The following PALLD variants were observed in gnomAD, a reference collection of about 807,000 sequenced individuals.
The protein encoded by PALLD is palladin, cytoskeletal associated protein, also known as palladin.
PALLD carries 61 observed loss-of-function variants against 123.5 expected under a neutral mutation model. That is an observed-to-expected ratio of 0.49 (90% CI 0.40 to 0.61). The LOEUF is 0.61. PALLD is among the 20% of genes least tolerant of loss of function. PALLD has a pLI of 0.00. For missense variants in PALLD, 1,273 were observed against 1,377.0 expected (o/e 0.92, Z 1.20); for synonymous variants, 465 against 496.4 (o/e 0.94, Z 0.84).
intron 1 of PALLD, among the ~76,000 whole-genome samples, chr4:168,505,435 C>T (rs1436944723): frequency 6.6e-6 from 1 of 152,158 alleles, no homozygotes; most frequent in Admixed American, 6.5e-5. Flanking sequence ...TATAATGCTC[C>T]TTGTGAAGTT....
At chr4:168,725,458 A>T (rs1786459033) in intron 10 of PALLD, among the ~76,000 whole-genome samples, 1 of 151,964 alleles carries the variant, frequency 6.6e-6, no homozygotes, top group Admixed American at 6.6e-5. Context: ...ACCCTAAAAG[A>T]CATAAAAGGT....
chr4:168,687,125 T>C (rs959766039), intron 6 of PALLD, among the ~76,000 whole-genome samples: 2 of 152,212 alleles, frequency 1.3e-5, no homozygotes, highest in Admixed American at 6.5e-5. Flanking sequence ...AAAACTTTTG[T>C]GAGGCAGTAA....
At chr4:168,600,078 C>CATATAT (rs1431734013) in intron 2 of PALLD, among the ~76,000 whole-genome samples, 1 of 107,518 alleles carries the variant, frequency 9.3e-6, no homozygotes, top group African/African-American at 2.9e-5. Flanking sequence ...TGTATACACA[C>CATATAT]ACATATATAC....
At chr4:168,833,769 TCC>T (rs1338528829) in intron 10 of PALLD, among the ~76,000 whole-genome samples, 2 of 151,248 alleles carry the variant, frequency 1.3e-5, no homozygotes, top group Non-Finnish European at 2.9e-5. Flanking sequence ...ACAATTTTTT[TCC>T]CCCTTCAGAC....
intron 3 of PALLD, among the ~76,000 whole-genome samples, chr4:168,672,229 A>G (rs1198595732): frequency 6.6e-6 from 1 of 152,198 alleles, no homozygotes; most frequent in Non-Finnish European, 1.5e-5. Context: ...TCAAACATTT[A>G]TCATTTGTTT....
intron 2 of PALLD, among the ~76,000 whole-genome samples, chr4:168,540,698 A>G (rs1339140960): frequency 6.6e-6 from 1 of 152,144 alleles, no homozygotes; most frequent in East Asian, 1.9e-4. Flanking sequence ...AAATGAAAAC[A>G]ATTTTTCTCT....
At position 168,785,846 on chromosome 4, in the gene PALLD, GATATATATATAT is replaced by G. The variant is rs6148775; in HGVS notation, c.1964+73943_1964+73954del. ...AGAGTCAGTTCTAATAAACTGTAGAGATATATATATATATATATATATATATATATAGCATTT... is the reference window on the plus strand; with the variant it reads ...AGAGTCAGTTCTAATAAACTGTAGAGATATATATATATATATATAGCATTT... On this transcript the variant is annotated intron_variant, in intron 10 of 21. Coordinates refer to ENST00000505667, the MANE Select transcript of PALLD (RefSeq NM_001166108.2). Among the ~76,000 whole-genome samples, 359 of 80,918 alleles carry G rather than the reference GATATATATATAT, an allele frequency of 4.4e-3. 3 individuals carry two copies. Among genetic ancestry groups the G allele is most frequent in the African/African-American group, 0.012 (301 of 25,744 alleles). The allele number at this position is 80,918 out of a possible 152,430, so 53.1% of individuals were successfully genotyped here.
At chr4:168,502,531 A>G (rs575633249) in intron 1 of PALLD, among the ~76,000 whole-genome samples, 1 of 152,354 alleles carries the variant, frequency 6.6e-6, no homozygotes, top group African/African-American at 2.4e-5. Context: ...TTACTCTATC[A>G]AGTTTTTACC....
intron 10 of PALLD, chr4:168,877,717 C>T (rs111443134): frequency 8.7e-5 from 99 of 1,135,222 alleles, no homozygotes; most frequent in Non-Finnish European, 1.0e-4. Context: ...CTCTTTTTCC[C>T]CCCAGGGACC....
chr4:168,575,156 A>G (rs952913233), intron 2 of PALLD, among the ~76,000 whole-genome samples: 3 of 152,110 alleles, frequency 2.0e-5, no homozygotes, highest in African/African-American at 4.8e-5. Flanking sequence ...ATGCATCAGA[A>G]TCACCTGGAG....
chr4:168,518,931 T>G (rs73863639), intron 2 of PALLD, among the ~76,000 whole-genome samples: 1 of 152,136 alleles, frequency 6.6e-6, no homozygotes, highest in Non-Finnish European at 1.5e-5. Context: ...AACCTAAACA[T>G]TCATCAAAGA....
intron 10 of PALLD, among the ~76,000 whole-genome samples, chr4:168,741,723 A>G (rs1295195705): frequency 1.3e-5 from 2 of 152,148 alleles, no homozygotes; most frequent in African/African-American, 4.8e-5. Flanking sequence ...TTGGAGAGAG[A>G]GAGAGAGAAA....
intron 18 of PALLD, among the ~76,000 whole-genome samples, chr4:168,923,013 C>T (rs967429688): frequency 2.0e-5 from 3 of 152,230 alleles, no homozygotes; most frequent in African/African-American, 7.2e-5. Context: ...TAATGCCTCA[C>T]AGTGCTTTCC....
intron 10 of PALLD, among the ~76,000 whole-genome samples, chr4:168,806,753 C>G (rs1337327077): frequency 2.0e-5 from 3 of 152,114 alleles, no homozygotes; most frequent in African/African-American, 7.2e-5. Context: ...TAGCATAGAT[C>G]CTTTTTATCA....
intron 8 of PALLD, among the ~76,000 whole-genome samples, chr4:168,702,952 C>T (rs1409960477): frequency 6.9e-6 from 1 of 145,802 alleles, no homozygotes; most frequent in East Asian, 2.0e-4. Context: ...TACATGTGCA[C>T]ATTGTGCAGG....
At chr4:168,665,023 AAG>A (rs1779497814) in intron 2 of PALLD, among the ~76,000 whole-genome samples, 1 of 152,150 alleles carries the variant, frequency 6.6e-6, no homozygotes, top group Non-Finnish European at 1.5e-5. Flanking sequence ...TGTTAAATGG[AAG>A]AGTGTATTTT....
At chr4:168,826,494 C>G (rs1343333732) in intron 10 of PALLD, among the ~76,000 whole-genome samples, 1 of 152,188 alleles carries the variant, frequency 6.6e-6, no homozygotes, top group Non-Finnish European at 1.5e-5. Flanking sequence ...TCTGTGCTCA[C>G]TGTCCCTGGG....
intron 19 of PALLD, 100 bp from the exon 20 acceptor site, chr4:168,924,845 G>A: frequency 8.3e-7 from 1 of 1,205,264 alleles, no homozygotes; most frequent in Non-Finnish European, 1.2e-6. Context: ...TCAGCTACTT[G>A]CACAATTCTG....
chr4:168,890,515 C>A (rs191758638), intron 10 of PALLD, among the ~76,000 whole-genome samples: 2 of 152,274 alleles, frequency 1.3e-5, no homozygotes, highest in Admixed American at 1.3e-4. Flanking sequence ...AACCTCTCAA[C>A]ATTCATATGT....
Sources: allele counts gnomAD v4.1 joint callset (sites outside exome capture counted in the v4.1 genomes callset), GRCh38; gene constraint gnomAD v4.1.1; transcripts MANE v1.5; gene names NCBI Gene and HGNC (gene_info 2026-07-23, HGNC 2026-07-21).